Variants in ZDHHC15 observed in about 807,000 individuals in gnomAD.
ZDHHC15 encodes the protein palmitoyltransferase ZDHHC15.
Under a neutral mutation model 31.7 loss-of-function variants are expected in ZDHHC15, and 19 were observed. That is an observed-to-expected ratio of 0.60 (90% CI 0.42 to 0.88). The LOEUF is 0.88. ZDHHC15 is among the 40% of genes least tolerant of loss of function. The probability of loss-of-function intolerance (pLI) is 0.00; values close to 1 mark genes in which losing one functional copy is unlikely to be tolerated. For synonymous variants in ZDHHC15, 103 were observed against 90.0 expected (o/e 1.14, Z -0.82); for missense variants, 209 against 251.2 (o/e 0.83, Z 1.14).
chrX:75,450,402 T>A (rs762158482), intron 4 of ZDHHC15, among the ~76,000 whole-genome samples: 1 of 111,743 alleles, frequency 8.9e-6, no homozygotes, highest in Non-Finnish European at 1.9e-5. Flanking sequence ...ACCCTTAAGA[T>A]TATGCATGTT....
intron 2 of ZDHHC15, among the ~76,000 whole-genome samples, chrX:75,490,950 G>C (rs1194070243): frequency 1.8e-5 from 2 of 111,677 alleles, no homozygotes; most frequent in African/African-American, 6.5e-5. Context: ...CAGTTAGAAT[G>C]GCAATCATTA....
intron 3 of ZDHHC15, among the ~76,000 whole-genome samples, chrX:75,465,621 A>G (rs2084391312): frequency 9.0e-6 from 1 of 111,549 alleles, no homozygotes; most frequent in South Asian, 3.8e-4. Flanking sequence ...ATGGAACAGA[A>G]AACAGAACCC....
At chrX:75,479,026 T>A (rs2147979228) in intron 2 of ZDHHC15, 41 bp from the exon 3 acceptor site, 1 of 953,138 alleles carries the variant, frequency 1.0e-6, no homozygotes, top group East Asian at 3.4e-5. Context: ...TATCTTTTTA[T>A]CCATTTCTAA....
intron 11 of ZDHHC15, among the ~76,000 whole-genome samples, chrX:75,374,683 GTGTGTA>G (rs1480186301): frequency 2.2e-5 from 2 of 91,084 alleles, no homozygotes; most frequent in African/African-American, 8.6e-5. Context: ...GTGTGTGTGT[GTGTGTA>G]TATATATATA....
At chrX:75,395,592 A>G (rs2083291149) in intron 10 of ZDHHC15, among the ~76,000 whole-genome samples, 1 of 112,167 alleles carries the variant, frequency 8.9e-6, no homozygotes, top group South Asian at 3.7e-4. Context: ...ATTTGGAAGA[A>G]GATTGTTAAA....
intron 10 of ZDHHC15, among the ~76,000 whole-genome samples, chrX:75,414,426 C>CTTTTT (rs1177332052): frequency 1.0e-3 from 68 of 66,185 alleles, no homozygotes; most frequent in Non-Finnish European, 1.3e-3. Context: ...CATATTTTAT[C>CTTTTT]TTTTTTTTTT....
chrX:75,409,344 A>C (rs2083456326), intron 10 of ZDHHC15, among the ~76,000 whole-genome samples: 1 of 109,905 alleles, frequency 9.1e-6, no homozygotes, highest in Non-Finnish European at 1.9e-5. Context: ...AACAAAAATT[A>C]GACAGGCATT....
At chrX:75,398,746 G>T (rs749907279) in intron 10 of ZDHHC15, among the ~76,000 whole-genome samples, 1 of 110,916 alleles carries the variant, frequency 9.0e-6, no homozygotes, top group Non-Finnish European at 1.9e-5. Context: ...CACAGGGAGG[G>T]GTGGGCTGCC....
intron 11 of ZDHHC15, among the ~76,000 whole-genome samples, chrX:75,375,488 T>C (rs190215681): frequency 2.5e-4 from 28 of 111,492 alleles, no homozygotes; most frequent in African/African-American, 8.5e-4. Context: ...ATGCTGAGGT[T>C]TGGGGTATAG....
intron 3 of ZDHHC15, among the ~76,000 whole-genome samples, chrX:75,458,610 T>G (rs1243568075): frequency 9.0e-6 from 1 of 111,354 alleles, no homozygotes; most frequent in Non-Finnish European, 1.9e-5. Flanking sequence ...ACTGTCATTC[T>G]CAGGTAGAGT....
chrX:75,473,776 A>T (rs2084543040), intron 3 of ZDHHC15, among the ~76,000 whole-genome samples: 1 of 111,962 alleles, frequency 8.9e-6, no homozygotes, highest in Non-Finnish European at 1.9e-5. Context: ...CTTTTCTTAA[A>T]AACATATTTG....
chrX:75,470,355 G>A (rs957205764), intron 3 of ZDHHC15, among the ~76,000 whole-genome samples: 14 of 111,195 alleles, frequency 1.3e-4, no homozygotes, highest in South Asian at 3.9e-4. Context: ...TCTATTGTGG[G>A]CCCTTGTGAT....
chrX:75,483,583 A>G (rs1173984813), intron 2 of ZDHHC15, among the ~76,000 whole-genome samples: 2 of 111,238 alleles, frequency 1.8e-5, no homozygotes, highest in African/African-American at 6.5e-5. Context: ...AATAAAAACT[A>G]AATTAAAAAA....
At chrX:75,437,234 T>A (rs2083866717) in intron 4 of ZDHHC15, among the ~76,000 whole-genome samples, 1 of 106,969 alleles carries the variant, frequency 9.3e-6, no homozygotes, top group Admixed American at 1.0e-4. Context: ...AAGTCTACTG[T>A]TTCTTTGTTG....
chrX:75,398,453 C>T (rs779417565), intron 10 of ZDHHC15, among the ~76,000 whole-genome samples: 12 of 113,003 alleles, frequency 1.1e-4, no homozygotes, highest in African/African-American at 3.2e-4. Context: ...TGAATTCCCC[C>T]TCAAAAGGCA....
chrX:75,424,928 G>T, intron 7 of ZDHHC15, 144 bp from the exon 8 acceptor site: 1 of 664,989 alleles, frequency 1.5e-6, no homozygotes, highest in Non-Finnish European at 2.1e-6. Context: ...TTTATAATAT[G>T]GTTCTTTCTG....
intron 10 of ZDHHC15, among the ~76,000 whole-genome samples, chrX:75,380,874 G>C (rs2083107171): frequency 9.0e-6 from 1 of 111,183 alleles, no homozygotes; most frequent in Admixed American, 9.6e-5. Context: ...TTAAGCTCTG[G>C]CTCTCTTCCT....
intron 3 of ZDHHC15, among the ~76,000 whole-genome samples, chrX:75,459,219 C>T (rs1176704088): frequency 5.4e-5 from 6 of 110,467 alleles, no homozygotes; most frequent in African/African-American, 2.0e-4. Context: ...TTTACATACT[C>T]CAGCCCCAGT....
At chrX:75,479,211 T>C (rs1017685771) in intron 2 of ZDHHC15, among the ~76,000 whole-genome samples, 1 of 112,006 alleles carries the variant, frequency 8.9e-6, no homozygotes, top group Admixed American at 9.5e-5. Flanking sequence ...AAAGTTGCCA[T>C]GTCATTCTTG....
Sources: gnomAD v4.1 joint callset for allele counts (sites outside exome capture counted in the v4.1 genomes callset) on GRCh38, gnomAD v4.1.1 for gene constraint, MANE v1.5 for transcripts, NCBI Gene and HGNC (gene_info 2026-07-23, HGNC 2026-07-21) for gene names.